Variants in SRSF11 observed in about 807,000 individuals in gnomAD.
The protein encoded by SRSF11 is serine/arginine-rich splicing factor 11.
Under a neutral mutation model 56.0 loss-of-function variants are expected in SRSF11, and 9 were observed. The ratio of observed to expected loss-of-function variants is 0.16; its 90% CI spans 0.10 to 0.28. The LOEUF (loss-of-function observed/expected upper bound fraction) is 0.28. Ranked by LOEUF, SRSF11 falls within the 10% of genes least tolerant of loss-of-function variation. The pLI, the probability that SRSF11 is intolerant of heterozygous loss-of-function variation, is 1.00. For synonymous variants in SRSF11, 222 were observed against 215.3 expected (o/e 1.03, Z -0.27); for missense variants, 421 against 600.7 (o/e 0.70, Z 3.13).
At chr1:70,227,711 G>T (rs992378353) in intron 1 of SRSF11, among the ~76,000 whole-genome samples, 1 of 152,152 alleles carries the variant, frequency 6.6e-6, no homozygotes, top group Non-Finnish European at 1.5e-5. Flanking sequence ...GCCATAGCTT[G>T]CAGTTTAGCA....
chr1:70,250,010 C>T lies in SRSF11; in HGVS notation c.1081C>T (p.Pro361Ser). ...GTRSPKKPRS[P>S]KRKLSRSPSP... ...AAGATCTCCTAAAAAGCCTCGGTCT[C>T]CTAAAAGAAAATTGTCCCGCTCACC... The change falls in exon 10 of 12, where the codon CCT (proline) becomes TCT (serine). Residue 361 changes from proline to serine, a missense_variant. This residue lies in a region of SRSF11 where 253 missense variants were observed against 305.8 expected (regional missense o/e 0.83). Coordinates refer to ENST00000370949, the MANE Select transcript of SRSF11 (RefSeq NM_001350605.2). The T allele has an allele frequency of 6.2e-7, 1 of 1,614,082 alleles. No homozygotes were observed. The highest frequency in any genetic ancestry group is 8.5e-7 in the Non-Finnish European group (1 of 1,179,996).
At chr1:70,225,589 A>G (rs1671598925) in intron 1 of SRSF11, among the ~76,000 whole-genome samples, 1 of 152,226 alleles carries the variant, frequency 6.6e-6, no homozygotes, top group Non-Finnish European at 1.5e-5. Flanking sequence ...TACCTTGTTA[A>G]GAATCTGGGC....
At chr1:70,244,256 G>A (rs977686265) in intron 7 of SRSF11, among the ~76,000 whole-genome samples, 1 of 152,142 alleles carries the variant, frequency 6.6e-6, no homozygotes, top group Admixed American at 6.5e-5. Flanking sequence ...TATATATAGC[G>A]TGATATAAGT....
intron 2 of SRSF11, chr1:70,229,540 AAAT>A (rs1672472509): frequency 3.0e-6 from 3 of 984,958 alleles, no homozygotes; most frequent in Non-Finnish European, 3.6e-6. Flanking sequence ...TGGTAACTAT[AAAT>A]TTTACTCGAA....
intron 5 of SRSF11, 83 bp downstream of exon 5, chr1:70,235,633 A>C (rs2100800449): frequency 1.6e-6 from 2 of 1,268,692 alleles, no homozygotes; most frequent in Middle Eastern, 2.0e-4. Flanking sequence ...GCTTATAAGA[A>C]AGTTATCAAG....
At chr1:70,212,253 T>TAATA (rs962745879) in intron 1 of SRSF11, among the ~76,000 whole-genome samples, 9 of 152,110 alleles carry the variant, frequency 5.9e-5, no homozygotes, top group Non-Finnish European at 1.3e-4. Flanking sequence ...ATTAATTAAT[T>TAATA]AATACTTATT....
chr1:70,220,055 G>T (rs893895561), upstream of SRSF11, among the ~76,000 whole-genome samples: 1 of 152,194 alleles, frequency 6.6e-6, no homozygotes, highest in Non-Finnish European at 1.5e-5. Context: ...AGGTATATTT[G>T]TGCGTGTGTC....
At position 70,228,440 on chromosome 1, in the gene SRSF11, C is replaced by T; in HGVS notation, c.222C>T (p.Val74=). ...TTTTTAGTGATTCGCCTTTGCCAGT[C>T]TCATCTCGTGTCTGCTTTGTTAAGT... ...LFPPDDSPLP[V]SSRVCFVKFH... The change falls in exon 2 of 12, where the codon GTC becomes GTT. Residue 74 remains valine, a synonymous_variant. Coordinates refer to ENST00000370949, the MANE Select transcript of SRSF11 (RefSeq NM_001350605.2). 6.2e-7 allele frequency: 1 copy of T among 1,610,524 alleles called. No individual in the cohort carries two copies. The highest frequency in any genetic ancestry group is 8.5e-7 in the Non-Finnish European group (1 of 1,178,332).
intron 8 of SRSF11, 90 bp from the exon 9 acceptor site, chr1:70,246,728 G>T: frequency 4.1e-6 from 3 of 725,904 alleles, no homozygotes; most frequent in Non-Finnish European, 6.9e-6. Context: ...GATGGGATTA[G>T]ATCTGATTAT....
intron 1 of SRSF11, 21 bp downstream of exon 1, chr1:70,221,860 C>A: frequency 6.2e-7 from 1 of 1,613,126 alleles, no homozygotes; most frequent in Non-Finnish European, 8.5e-7. Flanking sequence ...TCCACCATCA[C>A]TGTTCCTGCT....
intron 4 of SRSF11, 142 bp from the exon 5 acceptor site, chr1:70,235,358 TC>T: frequency 1.5e-6 from 1 of 670,314 alleles, no homozygotes; most frequent in Non-Finnish European, 2.5e-6. Flanking sequence ...TTTTGTTTTT[TC>T]TTTTTTAATG....
chr1:70,238,415 CAAT>C (rs1313626533), intron 6 of SRSF11, among the ~76,000 whole-genome samples: 1 of 152,144 alleles, frequency 6.6e-6, no homozygotes, highest in African/African-American at 2.4e-5. Flanking sequence ...ATGACATTCA[CAAT>C]AAATTGAACC....
intron 9 of SRSF11, among the ~76,000 whole-genome samples, chr1:70,247,993 C>T (rs554768557): frequency 6.6e-6 from 1 of 152,124 alleles, no homozygotes; most frequent in African/African-American, 2.4e-5. Flanking sequence ...GGTTATAAAT[C>T]AAAAAGACAG....
rs1441545380 is a variant in SRSF11, at chr1:70,221,437, C to G, written c.-200C>G. On this transcript the variant is annotated 5_prime_UTR_variant, in exon 1 of 12. Transcript: ENST00000370949. ...GTTTGTTTTCTCGTGGTCTCGAGCT[C>G]GCGCGCTCTCATCCCCTCCCCCGCG... 1.5e-6 allele frequency: 1 copy of G among 685,866 alleles called. No individual in the cohort carries two copies. The highest frequency in any genetic ancestry group is 2.1e-5 in the South Asian group (1 of 48,328). The allele number at this position is 685,866 out of a possible 1,614,324, so 42.5% of individuals were successfully genotyped here.
At chr1:70,214,615 C>T (rs1044594021) in intron 1 of SRSF11, among the ~76,000 whole-genome samples, 4 of 151,958 alleles carry the variant, frequency 2.6e-5, no homozygotes, top group Non-Finnish European at 4.4e-5. Context: ...ATATATTAAA[C>T]GATATGAAAG....
chr1:70,215,366 G>T (rs1669918437), intron 1 of SRSF11, among the ~76,000 whole-genome samples: 1 of 152,114 alleles, frequency 6.6e-6, no homozygotes. Flanking sequence ...CATTCACAAA[G>T]CCTTTGCTGC....
upstream of SRSF11, among the ~76,000 whole-genome samples, chr1:70,220,287 C>T (rs1375522672): frequency 1.3e-5 from 2 of 152,198 alleles, no homozygotes; most frequent in Non-Finnish European, 2.9e-5. Context: ...TTATTAATAA[C>T]TTGTGTATCG....
upstream of SRSF11, among the ~76,000 whole-genome samples, chr1:70,220,340 A>C (rs766806441): frequency 6.6e-6 from 1 of 152,214 alleles, no homozygotes; most frequent in Non-Finnish European, 1.5e-5. Flanking sequence ...GGGCACTACA[A>C]GTCACTGGAC....
intron 3 of SRSF11, among the ~76,000 whole-genome samples, chr1:70,233,603 G>A (rs1673315194): frequency 1.3e-5 from 2 of 152,328 alleles, no homozygotes; most frequent in Middle Eastern, 3.4e-3. Context: ...ATGTTGGACA[G>A]TAAGTTAAAA....
Sources: gnomAD v4.1 joint callset for allele counts (sites outside exome capture counted in the v4.1 genomes callset) on GRCh38, gnomAD v4.1.1 for gene constraint, gnomAD v4.1.1 regional missense constraint, MANE v1.5 for transcripts, NCBI Gene and HGNC (gene_info 2026-07-23, HGNC 2026-07-21) for gene names.